Variants in TRAPPC10 observed in about 807,000 individuals in gnomAD.
TRAPPC10 encodes trafficking protein particle complex subunit 10.
TRAPPC10 carries 23 observed loss-of-function variants against 125.5 expected under a neutral mutation model. The observed-to-expected ratio is 0.18, with a 90% confidence interval of 0.13 to 0.26. The LOEUF is 0.26. Among genes scored for constraint, TRAPPC10 ranks in the 10% least tolerant of loss-of-function variants. TRAPPC10 has a pLI of 1.00. For synonymous variants in TRAPPC10, 509 were observed against 518.0 expected (o/e 0.98, Z 0.24); for missense variants, 1,123 against 1,308.4 (o/e 0.86, Z 2.19).
chr21:44,077,192 T>C (rs901573011), intron 10 of TRAPPC10, among the ~76,000 whole-genome samples: 3 of 152,222 alleles, frequency 2.0e-5, no homozygotes, highest in Non-Finnish European at 4.4e-5. Context: ...TCTTTTATTA[T>C]TATGCTTCAT....
At chr21:44,014,677 C>T (rs946120110) in intron 1 of TRAPPC10, among the ~76,000 whole-genome samples, 8 of 150,798 alleles carry the variant, frequency 5.3e-5, no homozygotes, top group Non-Finnish European at 4.4e-5. Flanking sequence ...TGTCCACCTG[C>T]GCAGCCTCCC....
At chr21:44,080,156 G>A (rs1269993950) in intron 13 of TRAPPC10, 29 bp downstream of exon 13, 2 of 1,569,536 alleles carry the variant, frequency 1.3e-6, no homozygotes, top group Admixed American at 1.7e-5. Context: ...ACTTGACTAG[G>A]AATATTTTCA....
chr21:44,061,095 G>A lies in TRAPPC10; in HGVS notation c.790+1881G>A, dbSNP rs188599887. 6.3e-3 allele frequency among the ~76,000 whole-genome samples: 962 copies of A among 151,634 alleles called. 2 individuals carry two copies. The highest frequency in any genetic ancestry group is 0.011 in the Non-Finnish European group (768 of 67,888). On this transcript the variant is annotated intron_variant, in intron 6 of 22. Coordinates refer to ENST00000291574, the MANE Select transcript of TRAPPC10 (RefSeq NM_003274.5). ...TGGGACTACAGGTGCGCACCACCAC[G>A]CCCAGCTAATTTATTTATTTATTTT...
rs1403702675 is a variant in TRAPPC10 at position 44,080,979 on chromosome 21, C to T, written c.1723+852C>T. The stretch of plus-strand genomic sequence containing the variant: ...TAGTCTGTTTCAGGAATATGTGCAA[C>T]CATTACCACAGTCAATATTATTGTT... On this transcript the variant is annotated intron_variant, in intron 13 of 22. Transcript: ENST00000291574. Among the ~76,000 whole-genome samples the T allele has an allele frequency of 2.0e-5, 3 of 149,528 alleles. No individual in the cohort carries two copies. The South Asian group carries it at 6.3e-4, about 32-fold the overall frequency.
intron 7 of TRAPPC10, among the ~76,000 whole-genome samples, chr21:44,065,105 G>GA (rs764048460): frequency 6.6e-6 from 1 of 152,178 alleles, no homozygotes; most frequent in Non-Finnish European, 1.5e-5. Context: ...CGGGAGGGGG[G>GA]AAAATTGAAG....
At chr21:44,015,229 A>G (rs1269169304) in intron 1 of TRAPPC10, among the ~76,000 whole-genome samples, 1 of 152,222 alleles carries the variant, frequency 6.6e-6, no homozygotes, top group Non-Finnish European at 1.5e-5. Context: ...CATAGAATGT[A>G]TAATATTTTA....
chr21:44,080,372 C>G (rs547504433), intron 13 of TRAPPC10, among the ~76,000 whole-genome samples: 1 of 152,014 alleles, frequency 6.6e-6, no homozygotes, highest in Non-Finnish European at 1.5e-5. Flanking sequence ...TAATAAGGTT[C>G]TAATATCATC....
chr21:44,044,660 C>CTTTT lies in TRAPPC10; in HGVS notation c.285+6753_285+6756dup, dbSNP rs34356064. Among the ~76,000 whole-genome samples the CTTTT allele has an allele frequency of 2.1e-3, 179 of 86,288 alleles. 4 individuals are homozygous for CTTTT. The highest frequency in any genetic ancestry group is 9.4e-3 in the Middle Eastern group (1 of 106). The allele number at this position is 86,288 out of a possible 152,430, so 56.6% of individuals were successfully genotyped here. On this transcript the variant is annotated intron_variant, in intron 3 of 22. Transcript: ENST00000291574. ...GAGAGATTAAAATAGAAAATCATGTCTTTTTTTTTTTTTTTTTTTTTTTGA... is the reference window on the plus strand; with the variant it reads ...GAGAGATTAAAATAGAAAATCATGTCTTTTTTTTTTTTTTTTTTTTTTTTTTTGA...
intron 20 of TRAPPC10, among the ~76,000 whole-genome samples, chr21:44,096,067 A>AGC (rs1437561909): frequency 1.4e-5 from 1 of 70,056 alleles, no homozygotes; most frequent in Admixed American, 1.7e-4. Flanking sequence ...GTGTCCTGCC[A>AGC]GCACTTGTCT....
At chr21:44,090,504 A>T (rs1314077415) in intron 18 of TRAPPC10, among the ~76,000 whole-genome samples, 2 of 152,142 alleles carry the variant, frequency 1.3e-5, no homozygotes, top group Non-Finnish European at 2.9e-5. Flanking sequence ...GCAGCCACAG[A>T]TGTCTGTAGA....
chr21:44,020,130 T>C (rs142222171), intron 1 of TRAPPC10, among the ~76,000 whole-genome samples: 1,995 of 151,866 alleles, frequency 0.013, 18 homozygotes, highest in South Asian at 0.022. Flanking sequence ...CTTTTCTTTT[T>C]TTTTTTTTGA....
At chr21:44,044,316 CTT>C (rs35194707) in intron 3 of TRAPPC10, among the ~76,000 whole-genome samples, 1 of 143,984 alleles carries the variant, frequency 6.9e-6, no homozygotes, top group African/African-American at 2.5e-5. Context: ...TTCTAATAGC[CTT>C]TTTTTTTTCA....
intron 1 of TRAPPC10, among the ~76,000 whole-genome samples, chr21:44,028,255 A>G (rs2033249745): frequency 6.6e-6 from 1 of 152,244 alleles, no homozygotes; most frequent in Admixed American, 6.5e-5. Flanking sequence ...TCCAATTGCA[A>G]CTGCATAAAT....
At position 44,087,900 on chromosome 21, in the gene TRAPPC10, G is replaced by T. The variant is rs376260634; in HGVS notation, c.2741G>T (p.Gly914Val). 6.2e-7 allele frequency: 1 copy of T among 1,614,002 alleles called. No homozygotes were observed. Reference sequence around the variant, plus strand: ...AAGCATAAGGACAAACAGAGAACTGGCCGCTGCATGGTTACCACAGACCAC... The same window carrying T: ...AAGCATAAGGACAAACAGAGAACTGTCCGCTGCATGGTTACCACAGACCAC... Reference protein sequence around the residue: ...HRKHKDKQRTGRCMVTTDHKV... With the variant: ...HRKHKDKQRTVRCMVTTDHKV... Residue 914 changes from glycine to valine, a missense_variant, in exon 17 of 23, where the codon GGC (glycine) becomes GTC (valine). Gly to Val is a moderately radical substitution (Grantham distance 109). Transcript: ENST00000291574. The surrounding 1 kb of genome is among the most constrained non-coding windows in gnomAD (Gnocchi z 4.6).
chr21:44,047,108 C>T, intron 3 of TRAPPC10: 1 of 602,306 alleles, frequency 1.7e-6, no homozygotes, highest in Non-Finnish European at 3.2e-6. Context: ...TGGCGAGATC[C>T]CACCACCTAC....
chr21:44,016,059 G>C (rs1190116479), intron 1 of TRAPPC10, among the ~76,000 whole-genome samples: 2 of 152,198 alleles, frequency 1.3e-5, no homozygotes, highest in Non-Finnish European at 2.9e-5. Context: ...AAATGTGCAG[G>C]GATGGGAGCT....
intron 4 of TRAPPC10, among the ~76,000 whole-genome samples, chr21:44,055,197 A>G (rs1487804102): frequency 6.6e-6 from 1 of 152,048 alleles, no homozygotes; most frequent in East Asian, 1.9e-4. Flanking sequence ...CTCTCCTTTG[A>G]ATTTCTGTAG....
intron 15 of TRAPPC10, 55 bp from the exon 16 acceptor site, chr21:44,086,747 G>A: frequency 1.3e-6 from 2 of 1,597,924 alleles, no homozygotes; most frequent in Non-Finnish European, 1.7e-6. Context: ...TGCGGGCCCT[G>A]AGATGCTGTC....
chr21:44,078,977 T>C (rs1279373976), intron 11 of TRAPPC10, among the ~76,000 whole-genome samples: 3 of 152,152 alleles, frequency 2.0e-5, no homozygotes, highest in African/African-American at 7.2e-5. Context: ...AAACTTTGCT[T>C]TGGGGGCCAA....
Sources: gnomAD v4.1 joint callset for allele counts (sites outside exome capture counted in the v4.1 genomes callset) on GRCh38, gnomAD v4.1.1 for gene constraint, Gnocchi (gnomAD v3.1) non-coding constraint, MANE v1.5 for transcripts, NCBI Gene and HGNC (gene_info 2026-07-23, HGNC 2026-07-21) for gene names.